The following GPR19 variants were observed in gnomAD, a reference collection of about 807,000 sequenced individuals.
The protein encoded by GPR19 is G protein-coupled receptor 19, also known as probable G protein-coupled receptor 19.
GPR19 carries 14 observed loss-of-function variants against 28.5 expected under a neutral mutation model. The observed-to-expected ratio is 0.49, with a 90% CI of 0.32 to 0.77. GPR19 has a LOEUF of 0.77. Ranked by LOEUF, GPR19 falls within the 30% of genes least tolerant of loss-of-function variation. The pLI is 0.03. For synonymous variants in GPR19, 173 were observed against 184.1 expected (o/e 0.94, Z 0.49); for missense variants, 409 against 504.1 (o/e 0.81, Z 1.81).
At chr12:12,667,696 GAA>G (rs3080708) in intron 3 of GPR19, among the ~76,000 whole-genome samples, 39,927 of 121,802 alleles carry the variant, frequency 0.33, 6,405 homozygotes, top group South Asian at 0.42. Context: ...ATCTCAATTA[GAA>G]AAAAAAAAAA....
At chr12:12,707,006 C>T in the GPR19 span, among the ~76,000 whole-genome samples, 1 of 152,200 alleles carries the variant, frequency 6.6e-6, no homozygotes, top group African/African-American at 2.4e-5. Context: ...CAGCCTTTAC[C>T]ATGGCTTATA....
intron 3 of GPR19, among the ~76,000 whole-genome samples, chr12:12,666,681 T>G (rs1945784648): frequency 6.6e-6 from 1 of 152,246 alleles, no homozygotes; most frequent in Admixed American, 6.5e-5. Context: ...CTGAAGTTCT[T>G]TACATTAATA....
chr12:12,684,119 C>T (rs1231294798), intron 3 of GPR19: 1 of 152,128 alleles, frequency 6.6e-6, no homozygotes, highest in Non-Finnish European at 1.5e-5. Context: ...TGCTTTGTTT[C>T]ATTAATTATC....
chr12:12,692,808 A>G (rs377439670), intron 2 of GPR19, among the ~76,000 whole-genome samples: 1 of 152,074 alleles, frequency 6.6e-6, no homozygotes, highest in Non-Finnish European at 1.5e-5. Flanking sequence ...AAACTGAAGC[A>G]TTACTTGTCT....
Position 12,661,816 on chromosome 12 carries a change from G to A in GPR19, c.633C>T (p.Asn211=), listed in dbSNP as rs764207274. Reference sequence around the variant, plus strand: ...CTTCCCAAGAGGAGGGGAGGAAATAGTTACAATGACTGTCCCAGTTGGAGC... The same window carrying A: ...CTTCCCAAGAGGAGGGGAGGAAATAATTACAATGACTGTCCCAGTTGGAGC... ...FYGSNWDSHC[N]YFLPSSWEGT... Residue 211 remains asparagine, a synonymous_variant, in exon 4 of 4, where the codon AAC becomes AAT. Transcript: ENST00000651487. This position sits in a 1 kb window ranked among gnomAD's most constrained non-coding sequence, Gnocchi z 4.2. 4 of 1,614,128 alleles carry A rather than the reference G, an allele frequency of 2.5e-6. No homozygotes were observed. The South Asian group carries it at 4.4e-5, about 18-fold the overall frequency.
At position 12,662,085 on chromosome 12, in the gene GPR19, C is replaced by T. The variant is rs372473831; in HGVS notation, c.364G>A (p.Val122Ile). Reference sequence around the variant, plus strand: ...CTTCCAGTGGTGAACTGGAGCAGGACGAAAGGCGTGCTGGCAACGCTGATG... The same window carrying T: ...CTTCCAGTGGTGAACTGGAGCAGGATGAAAGGCGTGCTGGCAACGCTGATG... ...LLISVASTPF[V>I]LLQFTTGRWT... The change falls in exon 4 of 4, where the codon GTC becomes ATC. Residue 122 changes from valine to isoleucine, a missense_variant. Physicochemically the swap from Val to Ile is conservative, Grantham distance 29 (BLOSUM62 3). Transcript: ENST00000651487. The T allele has an allele frequency of 1.5e-5, 24 of 1,614,188 alleles. No homozygotes were observed. The highest frequency in any genetic ancestry group is 5.0e-5 in the Admixed American group (3 of 60,018).
intron 3 of GPR19, 87 bp from the exon 4 acceptor site, chr12:12,662,557 G>A (rs1945696073): frequency 1.0e-6 from 1 of 990,230 alleles, no homozygotes; most frequent in South Asian, 1.6e-5. Context: ...GATCTTATTT[G>A]ACATTTACAT....
intron 2 of GPR19, among the ~76,000 whole-genome samples, chr12:12,692,447 G>C (rs11610142): frequency 0.069 from 10,405 of 151,778 alleles, 478 homozygotes; most frequent in South Asian, 0.13. Flanking sequence ...TGCCCAGACC[G>C]GTCTTGAACT....
intron 2 of GPR19, among the ~76,000 whole-genome samples, chr12:12,685,931 T>A (rs1056617192): frequency 1.3e-5 from 2 of 152,228 alleles, no homozygotes; most frequent in Non-Finnish European, 1.5e-5. Flanking sequence ...TGACTGTCGA[T>A]GCTAGGAACA....
chr12:12,689,528 A>G (rs1158677840), intron 2 of GPR19, among the ~76,000 whole-genome samples: 2 of 152,220 alleles, frequency 1.3e-5, no homozygotes, highest in African/African-American at 4.8e-5. Flanking sequence ...TCCATAGGAT[A>G]CTAATACTAT....
intron 3 of GPR19, among the ~76,000 whole-genome samples, chr12:12,675,732 C>G (rs752816428): frequency 6.6e-6 from 1 of 152,150 alleles, no homozygotes; most frequent in African/African-American, 2.4e-5. Flanking sequence ...TGGCTCCCAC[C>G]TGATAGCCAT....
rs372473831 is a variant in GPR19 at position 12,662,085 on chromosome 12, C to A, written c.364G>T (p.Val122Phe). The A allele has an allele frequency of 6.2e-7, 1 of 1,614,188 alleles. No individual in the cohort carries two copies. The highest frequency in any genetic ancestry group is 2.2e-5 in the East Asian group (1 of 44,886). ...CTTCCAGTGGTGAACTGGAGCAGGA[C>A]GAAAGGCGTGCTGGCAACGCTGATG... Reference protein sequence around the residue: ...LLISVASTPFVLLQFTTGRWT... With the variant: ...LLISVASTPFFLLQFTTGRWT... The change falls in exon 4 of 4, where the codon GTC becomes TTC. Residue 122 changes from valine (V) to phenylalanine (F), a missense_variant. Transcript: ENST00000651487.
chr12:12,691,636 T>C (rs1946181809), intron 2 of GPR19, among the ~76,000 whole-genome samples: 1 of 152,230 alleles, frequency 6.6e-6, no homozygotes, highest in African/African-American at 2.4e-5. Context: ...TTGCATTGAC[T>C]TCATAGATTC....
the GPR19 span, among the ~76,000 whole-genome samples, chr12:12,716,328 G>T: frequency 1.3e-5 from 2 of 152,204 alleles, no homozygotes; most frequent in Admixed American, 1.3e-4. Context: ...TCTGAATATT[G>T]TTCTGAGTTT....
chr12:12,665,819 C>CAAAAAA lies in GPR19; in HGVS notation c.-22-3355_-22-3350dup, dbSNP rs528302150. Among the ~76,000 whole-genome samples the CAAAAAA allele has an allele frequency of 8.1e-4, 61 of 75,722 alleles. 1 individual carries two copies. The highest frequency in any genetic ancestry group is 0.024 in the Middle Eastern group (2 of 82). The allele number at this position is 75,722 out of a possible 152,430, so 49.7% of individuals were successfully genotyped here. A position where few individuals can be genotyped will look rare whatever the true frequency, so the allele number is the denominator to read the frequency against. On this transcript the variant is annotated intron_variant, in intron 3 of 3. Transcript: ENST00000651487. ...TGGGGCACAAAGCCAGACTCCGTCT[C>CAAAAAA]AAAAAAAAAAAAAAAAAAAAAAAAA...
At chr12:12,694,463 C>A (rs1697562841) in intron 2 of GPR19, among the ~76,000 whole-genome samples, 1 of 151,764 alleles carries the variant, frequency 6.6e-6, no homozygotes, top group African/African-American at 2.4e-5. Context: ...GCCTCAGCCT[C>A]CCAAAGTGCT....
Position 12,662,256 on chromosome 12 carries a change from C to T in GPR19, c.193G>A (p.Val65Met). 1.2e-6 allele frequency: 2 copies of T among 1,614,246 alleles called. No individual in the cohort carries two copies. Among genetic ancestry groups the T allele is most frequent in the Non-Finnish European group, 1.7e-6 (2 of 1,180,034 alleles). The change falls in exon 4 of 4, where the codon GTG becomes ATG. Residue 65 changes from valine (V) to methionine (M), a missense_variant. By Grantham distance (21) the Val-to-Met change is conservative. Transcript: ENST00000651487. Reference protein sequence around the residue: ...DLHYVLKPGEVATASIFFGIL... With the variant: ...DLHYVLKPGEMATASIFFGIL... The stretch of plus-strand genomic sequence containing the variant: ...CCAAAGAAGATGCTGGCTGTGGCCA[C>T]TTCCCCGGGTTTCAGCACATAGTGA...
At chr12:12,707,022 T>G in the GPR19 span, among the ~76,000 whole-genome samples, 2 of 152,228 alleles carry the variant, frequency 1.3e-5, no homozygotes, top group African/African-American at 2.4e-5. Flanking sequence ...TTATAAAGTT[T>G]ACATGATTGG....
the GPR19 span, chr12:12,716,837 CG>C: frequency 1.0e-6 from 1 of 984,170 alleles, no homozygotes; most frequent in Non-Finnish European, 1.2e-6. Flanking sequence ...GGCACGCCGG[CG>C]GGGGGGCGCC....
Sources: gnomAD v4.1 joint callset for allele counts (sites outside exome capture counted in the v4.1 genomes callset) on GRCh38, gnomAD v4.1.1 for gene constraint, Gnocchi (gnomAD v3.1) non-coding constraint, MANE v1.5 for transcripts, NCBI Gene and HGNC (gene_info 2026-07-23, HGNC 2026-07-21) for gene names.